Variants in CYTH1 observed in about 807,000 individuals in gnomAD.
CYTH1 encodes the protein cytohesin-1.
A neutral mutation model predicts 61.8 loss-of-function variants in CYTH1; 18 were observed. That is an observed-to-expected ratio of 0.29 (90% CI 0.20 to 0.43). The LOEUF is 0.43. Among genes scored for constraint, CYTH1 ranks in the 20% least tolerant of loss-of-function variants. CYTH1 has a pLI of 1.00. For synonymous variants in CYTH1, 174 were observed against 184.3 expected (o/e 0.94, Z 0.45); for missense variants, 336 against 510.5 (o/e 0.66, Z 3.29).
chr17:78,745,408 C>T lies in CYTH1; in HGVS notation c.23-35676G>A, dbSNP rs371350316. ...AAGCAGAAACAGCACAATTTACAAGCGAGAAAGAATAAGAAGAAACCTGAA... is the reference window on the plus strand; with the variant it reads ...AAGCAGAAACAGCACAATTTACAAGTGAGAAAGAATAAGAAGAAACCTGAA... On this transcript the variant is annotated intron_variant, in intron 1 of 13. Transcript: ENST00000446868. 6.0e-4 allele frequency among the ~76,000 whole-genome samples: 92 copies of T among 152,164 alleles called. No individual in the cohort carries two copies. In the East Asian group the frequency reaches 0.011, roughly 18 times the overall value.
intron 1 of CYTH1, among the ~76,000 whole-genome samples, chr17:78,718,844 C>T (rs1351433502): frequency 6.6e-6 from 1 of 152,024 alleles, no homozygotes; most frequent in East Asian, 1.9e-4. Context: ...CCAACAAATG[C>T]CAAATGTCTT....
chr17:78,747,953 C>T (rs184299357), intron 1 of CYTH1, among the ~76,000 whole-genome samples: 6 of 152,296 alleles, frequency 3.9e-5, no homozygotes, highest in South Asian at 2.1e-4. Flanking sequence ...CCCCTATGCT[C>T]GGGTCCACTC....
chr17:78,756,322 C>A (rs569014982), intron 1 of CYTH1, among the ~76,000 whole-genome samples: 2 of 152,154 alleles, frequency 1.3e-5, no homozygotes, highest in East Asian at 3.9e-4. Context: ...GTGATCCACT[C>A]GCCTCGGCCT....
At chr17:78,738,441 C>A (rs772051147) in intron 1 of CYTH1, among the ~76,000 whole-genome samples, 2 of 152,140 alleles carry the variant, frequency 1.3e-5, no homozygotes, top group Non-Finnish European at 2.9e-5. Context: ...AGCAGCTTTG[C>A]AGGAAGTGCT....
intron 1 of CYTH1, among the ~76,000 whole-genome samples, chr17:78,759,876 C>T (rs2093415225): frequency 6.6e-6 from 1 of 152,186 alleles, no homozygotes; most frequent in Admixed American, 6.5e-5. Context: ...TTGGAGAGAA[C>T]AGTTAGAGGT....
At chr17:78,781,395 G>A (rs934813712) in intron 1 of CYTH1, among the ~76,000 whole-genome samples, 2 of 152,244 alleles carry the variant, frequency 1.3e-5, no homozygotes, top group Admixed American at 1.3e-4. Flanking sequence ...AACTCTTGGA[G>A]GGAGGCACCC....
chr17:78,780,474 C>T (rs1485023718), intron 1 of CYTH1, among the ~76,000 whole-genome samples: 1 of 152,214 alleles, frequency 6.6e-6, no homozygotes, highest in Non-Finnish European at 1.5e-5. Context: ...TATGAGAGCG[C>T]CCCTGCACTC....
At chr17:78,714,990 A>C (rs912618637) in intron 1 of CYTH1, among the ~76,000 whole-genome samples, 1 of 152,234 alleles carries the variant, frequency 6.6e-6, no homozygotes, top group African/African-American at 2.4e-5. Context: ...TCAACGAAGG[A>C]TTAAAAGATA....
intron 1 of CYTH1, among the ~76,000 whole-genome samples, chr17:78,781,148 G>A (rs1268611529): frequency 2.0e-5 from 3 of 150,748 alleles, no homozygotes; most frequent in African/African-American, 7.3e-5. Flanking sequence ...CAGCCTGGGT[G>A]ACAGAGCGAG....
intron 1 of CYTH1, among the ~76,000 whole-genome samples, chr17:78,741,517 G>A (rs1969122047): frequency 1.3e-5 from 2 of 152,102 alleles, no homozygotes; most frequent in African/African-American, 4.8e-5. Flanking sequence ...TGTGCAGAAA[G>A]GTAAGATAGG....
intron 11 of CYTH1, among the ~76,000 whole-genome samples, chr17:78,684,299 A>G (rs140875750): frequency 3.3e-5 from 5 of 152,234 alleles, no homozygotes; most frequent in African/African-American, 1.2e-4. Flanking sequence ...TGCTGGAGTG[A>G]AAGAAGAATG....
chr17:78,776,920 G>A (rs1301218245), intron 1 of CYTH1, among the ~76,000 whole-genome samples: 1 of 150,912 alleles, frequency 6.6e-6, no homozygotes, highest in African/African-American at 2.4e-5. Flanking sequence ...GAGGTCGGGA[G>A]TTCGAGACCA....
chr17:78,708,189 A>C lies in CYTH1; in HGVS notation c.170+8T>G, dbSNP rs1160299294. The C allele has an allele frequency of 1.2e-6, 2 of 1,614,096 alleles. No individual in the cohort carries two copies. The highest frequency in any genetic ancestry group is 1.7e-6 in the Non-Finnish European group (2 of 1,179,966). ...CACAGAAGCCACCTGGCAGCAGGGC[A>C]GACTCACCTTTCCTCTGTGGATCCC... On this transcript the variant is annotated splice_region_variant and intron_variant, in intron 3 of 13. Transcript: ENST00000446868.
chr17:78,705,023 T>C (rs2093051031), intron 3 of CYTH1, among the ~76,000 whole-genome samples: 1 of 152,170 alleles, frequency 6.6e-6, no homozygotes, highest in African/African-American at 2.4e-5. Context: ...GTCTAATCAT[T>C]TTTTTCTAAA....
intron 1 of CYTH1, among the ~76,000 whole-genome samples, chr17:78,777,612 A>G (rs2093497942): frequency 6.6e-6 from 1 of 152,094 alleles, no homozygotes; most frequent in South Asian, 2.1e-4. Flanking sequence ...CTCTTTCTAT[A>G]GCATATTATC....
At chr17:78,727,701 T>C (rs1303806649) in intron 1 of CYTH1, 7 of 471,052 alleles carry the variant, frequency 1.5e-5, no homozygotes, top group South Asian at 3.1e-5. Context: ...CCAAGCCTCC[T>C]GGCGAGTGCA....
intron 11 of CYTH1, 71 bp from the exon 12 acceptor site, chr17:78,681,113 G>T: frequency 6.6e-7 from 1 of 1,513,204 alleles, no homozygotes. Flanking sequence ...TTCCTCGCCG[G>T]TGACTCAGCC....
intron 1 of CYTH1, among the ~76,000 whole-genome samples, chr17:78,774,564 G>C (rs185141152): frequency 9.5e-4 from 144 of 152,238 alleles, no homozygotes; most frequent in Non-Finnish European, 1.6e-3. Flanking sequence ...CACAGTTGCT[G>C]AGCTGCCTCT....
chr17:78,732,011 C>A (rs1052924790), intron 1 of CYTH1, among the ~76,000 whole-genome samples: 1 of 152,202 alleles, frequency 6.6e-6, no homozygotes, highest in Non-Finnish European at 1.5e-5. Context: ...TTCCTGCGAA[C>A]CCTCCTGAAG....
Sources: gnomAD v4.1 joint callset for allele counts (sites outside exome capture counted in the v4.1 genomes callset) on GRCh38, gnomAD v4.1.1 for gene constraint, MANE v1.5 for transcripts, NCBI Gene and HGNC (gene_info 2026-07-23, HGNC 2026-07-21) for gene names.